The following POLB variants were observed in gnomAD, a reference collection of about 807,000 sequenced individuals.
POLB encodes DNA polymerase beta.
In POLB, 37 loss-of-function variants were observed where a neutral mutation model predicts 52.7. That is an observed-to-expected ratio of 0.70 (90% confidence interval 0.54 to 0.92). POLB has a LOEUF of 0.92. Among genes scored for constraint, POLB ranks in the 40% least tolerant of loss-of-function variants. The pLI, the probability that POLB is intolerant of heterozygous loss-of-function variation, is 0.00. For synonymous variants in POLB, 138 were observed against 131.3 expected, an observed-to-expected ratio of 1.05 and a Z score of -0.35; for missense variants, 313 against 400.8, an observed-to-expected ratio of 0.78 and a Z score of 1.87.
intron 9 of POLB, among the ~76,000 whole-genome samples, chr8:42,359,586 A>C (rs1823549253): frequency 6.7e-6 from 1 of 149,076 alleles, no homozygotes; most frequent in African/African-American, 2.5e-5. Context: ...GCTGGTCTCA[A>C]ACTCTTGGCT....
chr8:42,367,608 G>C (rs1824124561), intron 11 of POLB, among the ~76,000 whole-genome samples: 1 of 152,036 alleles, frequency 6.6e-6, no homozygotes, highest in African/African-American at 2.4e-5. Context: ...ACCTCTTCTT[G>C]CTATCACCAC....
intron 2 of POLB, chr8:42,341,973 T>C: frequency 1.4e-6 from 1 of 735,782 alleles, no homozygotes; most frequent in Non-Finnish European, 2.5e-6. Context: ...CTATTCTTTA[T>C]GTATTGAGAG....
chr8:42,362,477 G>A (rs1272703218), intron 10 of POLB, 135 bp from the exon 11 acceptor site: 2 of 601,088 alleles, frequency 3.3e-6, no homozygotes, highest in Non-Finnish European at 5.9e-6. Flanking sequence ...AGTTTGCCAT[G>A]ATTGTACCTG....
At chr8:42,348,805 AT>A (rs1822788966) in intron 3 of POLB, among the ~76,000 whole-genome samples, 2 of 152,306 alleles carry the variant, frequency 1.3e-5, no homozygotes, top group South Asian at 4.1e-4. Context: ...AGATATAATT[AT>A]TTTCTCAGAG....
intron 13 of POLB, 114 bp from the exon 14 acceptor site, chr8:42,371,449 A>G: frequency 2.3e-6 from 1 of 437,408 alleles, no homozygotes; most frequent in Non-Finnish European, 4.1e-6. Context: ...TGACTTGGTT[A>G]CCATTTTCTT....
intron 5 of POLB, among the ~76,000 whole-genome samples, chr8:42,351,267 A>G (rs962149367): frequency 1.3e-5 from 2 of 152,214 alleles, no homozygotes; most frequent in Admixed American, 6.5e-5. Context: ...TTGAACCCAT[A>G]TCTTCTGACT....
At chr8:42,338,988 C>G in intron 1 of POLB, 24 bp from the exon 2 acceptor site, 1 of 1,607,536 alleles carries the variant, frequency 6.2e-7, no homozygotes, top group Non-Finnish European at 8.5e-7. Flanking sequence ...TTCTTGTTCA[C>G]CCGAGCCTTC....
chr8:42,346,650 T>A (rs994529387), intron 3 of POLB, among the ~76,000 whole-genome samples: 5 of 152,112 alleles, frequency 3.3e-5, no homozygotes, highest in African/African-American at 9.7e-5. Flanking sequence ...TGCCTCAGCC[T>A]CCCAAAGTGC....
At chr8:42,359,973 A>G (rs1823573962) in intron 9 of POLB, among the ~76,000 whole-genome samples, 1 of 150,356 alleles carries the variant, frequency 6.7e-6, no homozygotes, top group Non-Finnish European at 1.5e-5. Flanking sequence ...TTTGAGGCAG[A>G]GTCTCGCTTT....
At chr8:42,356,440 A>G (rs1823320942) in intron 7 of POLB, among the ~76,000 whole-genome samples, 1 of 152,240 alleles carries the variant, frequency 6.6e-6, no homozygotes, top group Non-Finnish European at 1.5e-5. Context: ...GATGTAATTC[A>G]TATGTCCTGT....
chr8:42,342,516 A>G (rs898703905), intron 2 of POLB: 14 of 900,466 alleles, frequency 1.6e-5, no homozygotes, highest in Non-Finnish European at 2.6e-5. Context: ...ATTTATTTTT[A>G]TCCTGTATTA....
rs776674734 is a variant in POLB, at chr8:42,355,563, C to T, written c.418C>T (p.Leu140=). 8.8e-6 allele frequency: 14 copies of T among 1,588,660 alleles called. No homozygotes were observed. In the Admixed American group the frequency reaches 2.3e-4, roughly 27 times the overall value. ...DKLNHHQRIG[L]KYFGDFEKRI... Reference sequence around the variant, plus strand: ...ATTGAACCATCATCAGCGAATTGGGCTGAAGTAAGATGGCAGATTTTCTTT... The same window carrying T: ...ATTGAACCATCATCAGCGAATTGGGTTGAAGTAAGATGGCAGATTTTCTTT... The change falls in exon 7 of 14, where the codon CTG becomes TTG. Residue 140 remains leucine (L), a synonymous_variant. Transcript: ENST00000265421.
In POLB at chr8:42,369,325, A is replaced by G. The variant is rs184348926; in HGVS notation, c.763A>G (p.Ile255Val). Residue 255 changes from isoleucine to valine, a missense_variant, in exon 12 of 14, where the codon ATT becomes GTT. Ile to Val is a conservative substitution (Grantham distance 29). Coordinates refer to ENST00000265421, the MANE Select transcript of POLB (RefSeq NM_002690.3). ...TGAAAAAGAATATCCACACAGAAGAATTGATATCAGGTATTGTTCAGACTT... is the reference window on the plus strand; with the variant it reads ...TGAAAAAGAATATCCACACAGAAGAGTTGATATCAGGTATTGTTCAGACTT... The part of the protein sequence containing the change: ...NDEKEYPHRR[I>V]DIRLIPKDQY... 73 of 1,576,840 alleles carry G rather than the reference A, an allele frequency of 4.6e-5. No homozygotes were observed. The Admixed American group carries it at 1.2e-3, about 26-fold the overall frequency.
At position 42,350,036 on chromosome 8, in the gene POLB, C is replaced by G; in HGVS notation, c.291C>G (p.Ile97Met). The G allele has an allele frequency of 6.2e-7, 1 of 1,607,930 alleles. No individual in the cohort carries two copies. Residue 97 changes from isoleucine to methionine, a missense_variant, in exon 5 of 14, where the codon ATC becomes ATG. By Grantham distance (10) the Ile-to-Met change is conservative. This residue lies in a region of POLB where 246 missense variants were observed against 297.6 expected (regional missense o/e 0.83). Transcript: ENST00000265421. ...KIRQDDTSSS[I>M]NFLTRVSGIG... is the part of the protein sequence containing the mutation. The stretch of plus-strand genomic sequence containing the variant: ...GGCAGGATGATACGAGTTCATCCAT[C>G]AATTTCCTGACTCGAGTTAGTGGCA...
intron 4 of POLB, 97 bp downstream of exon 4, chr8:42,349,187 T>A (rs533875230): frequency 3.0e-6 from 2 of 671,862 alleles, no homozygotes; most frequent in South Asian, 3.7e-5. Flanking sequence ...TTCACTGTAG[T>A]GAGACTCACA....
chr8:42,355,208 T>G (rs532998269), intron 6 of POLB, among the ~76,000 whole-genome samples: 2 of 151,994 alleles, frequency 1.3e-5, no homozygotes, highest in African/African-American at 4.8e-5. Context: ...CTCGCTAATT[T>G]TTTGCATTTT....
chr8:42,358,892 C>T (rs1338263218), intron 9 of POLB, among the ~76,000 whole-genome samples: 1 of 152,062 alleles, frequency 6.6e-6, no homozygotes, highest in Non-Finnish European at 1.5e-5. Context: ...AAAAAAAATA[C>T]ATATTGTTGT....
intron 2 of POLB, 65 bp downstream of exon 2, chr8:42,339,134 AC>A (rs1435458664): frequency 7.9e-7 from 1 of 1,261,194 alleles, no homozygotes; most frequent in Admixed American, 1.7e-5. Flanking sequence ...GTGGCAATTA[AC>A]AGGACTGAGG....
chr8:42,347,941 AGG>A (rs1241943293), intron 3 of POLB, among the ~76,000 whole-genome samples: 1 of 152,214 alleles, frequency 6.6e-6, no homozygotes, highest in African/African-American at 2.4e-5. Flanking sequence ...TAAAAAGGAC[AGG>A]ACATTTTTCA....
Sources: gnomAD v4.1 joint callset for allele counts (sites outside exome capture counted in the v4.1 genomes callset) on GRCh38, gnomAD v4.1.1 for gene constraint, gnomAD v4.1.1 regional missense constraint, MANE v1.5 for transcripts, NCBI Gene and HGNC (gene_info 2026-07-23, HGNC 2026-07-21) for gene names.